RAD51B: variants seen among roughly 807,000 people sequenced by gnomAD.
The protein encoded by RAD51B is DNA repair protein RAD51 homolog 2.
RAD51B carries 38 observed loss-of-function variants against 42.2 expected under a neutral mutation model. That is an observed-to-expected ratio of 0.90 (90% CI 0.70 to 1.18). The LOEUF (loss-of-function observed/expected upper bound fraction) is 1.18. RAD51B is among the 50% of genes most tolerant of loss of function. The pLI, the probability that RAD51B is intolerant of heterozygous loss-of-function variation, is 0.00. For missense variants in RAD51B, 373 were observed against 400.7 expected (o/e 0.93, Z 0.59); for synonymous variants, 154 against 145.2 (o/e 1.06, Z -0.43).
At chr14:68,645,461 G>T (rs992683038) in intron 10 of RAD51B, among the ~76,000 whole-genome samples, 2 of 152,130 alleles carry the variant, frequency 1.3e-5, no homozygotes, top group Non-Finnish European at 2.9e-5. Flanking sequence ...ATGAACGTGG[G>T]TTTACAAAAA....
chr14:68,329,057 G>A (rs2082298557), intron 8 of RAD51B, among the ~76,000 whole-genome samples: 1 of 152,136 alleles, frequency 6.6e-6, no homozygotes, highest in Admixed American at 6.5e-5. Flanking sequence ...TGCCCAGGCT[G>A]GAGTGCAGTG....
At chr14:68,089,875 TA>T (rs1566636311) in intron 7 of RAD51B, among the ~76,000 whole-genome samples, 1 of 152,098 alleles carries the variant, frequency 6.6e-6, no homozygotes, top group Non-Finnish European at 1.5e-5. Context: ...ATTTTAGATT[TA>T]TATATGTGGG....
At chr14:68,351,719 G>A (rs954441193) in intron 8 of RAD51B, among the ~76,000 whole-genome samples, 1 of 152,228 alleles carries the variant, frequency 6.6e-6, no homozygotes, top group Admixed American at 6.5e-5. Context: ...GTGAGGGAAT[G>A]TGCGGGATTA....
intron 7 of RAD51B, among the ~76,000 whole-genome samples, chr14:68,252,632 C>G (rs145548627): frequency 5.6e-4 from 85 of 152,264 alleles, no homozygotes; most frequent in Non-Finnish European, 1.1e-3. Context: ...AAAAAATACA[C>G]TTTATTCTTT....
chr14:68,559,499 G>A (rs979457304), intron 10 of RAD51B, among the ~76,000 whole-genome samples: 29 of 151,538 alleles, frequency 1.9e-4, no homozygotes, highest in African/African-American at 7.0e-4. Context: ...TCCTGCCTCA[G>A]CCTCCCAAGC....
At chr14:68,362,860 TAAAAA>T (rs527800611) in intron 8 of RAD51B, among the ~76,000 whole-genome samples, 1 of 145,598 alleles carries the variant, frequency 6.9e-6, no homozygotes, top group African/African-American at 2.5e-5. Context: ...AAAAAAAAAT[TAAAAA>T]AAAAAAGAAA....
chr14:68,433,906 G>A (rs1382293958), intron 9 of RAD51B, among the ~76,000 whole-genome samples: 1 of 152,226 alleles, frequency 6.6e-6, no homozygotes, highest in Non-Finnish European at 1.5e-5. Context: ...TGATGATGGT[G>A]ATGTACAGAT....
At chr14:68,149,761 T>G (rs1013795313) in intron 7 of RAD51B, 1 of 152,170 alleles carries the variant, frequency 6.6e-6, no homozygotes, top group South Asian at 2.1e-4. Context: ...ACCTGGTTGG[T>G]TCCCTGCTTT....
intron 8 of RAD51B, among the ~76,000 whole-genome samples, chr14:68,305,853 T>C (rs73272221): frequency 0.03 from 4,510 of 152,296 alleles, 235 homozygotes; most frequent in African/African-American, 0.1. Flanking sequence ...CTGGCCATCA[T>C]AGCATGGTAT....
At chr14:68,167,501 A>G (rs2078777755) in intron 7 of RAD51B, among the ~76,000 whole-genome samples, 2 of 152,062 alleles carry the variant, frequency 1.3e-5, no homozygotes, top group African/African-American at 4.8e-5. Flanking sequence ...TTGCCTTTCA[A>G]CGTCCAGCTC....
rs543117027 is a variant in RAD51B, at chr14:68,630,054, A to T, written c.1037-20727A>T. On this transcript the variant is annotated intron_variant, in intron 10 of 11. Transcript: ENST00000488612. ...CTTCTCACAAAATTCTTATCACGTCAGGGAGGATTCTGACTCCACAGTAAG... is the reference window on the plus strand; with the variant it reads ...CTTCTCACAAAATTCTTATCACGTCTGGGAGGATTCTGACTCCACAGTAAG... 3.9e-5 allele frequency among the ~76,000 whole-genome samples: 6 copies of T among 152,368 alleles called. No individual in the cohort carries two copies. In the South Asian group the frequency reaches 1.2e-3, roughly 32 times the overall value.
At chr14:68,379,143 A>T (rs1240753521) in intron 8 of RAD51B, among the ~76,000 whole-genome samples, 1 of 152,232 alleles carries the variant, frequency 6.6e-6, no homozygotes, top group Non-Finnish European at 1.5e-5. Context: ...AGTCTGACAT[A>T]AGTCTCATGC....
intron 8 of RAD51B, among the ~76,000 whole-genome samples, chr14:68,383,520 T>C (rs1406229833): frequency 6.6e-6 from 1 of 152,222 alleles, no homozygotes; most frequent in Non-Finnish European, 1.5e-5. Flanking sequence ...TGCTGGTCAC[T>C]TACCAGTTTC....
chr14:68,599,045 C>T (rs1482720128), downstream of RAD51B, among the ~76,000 whole-genome samples: 4 of 152,156 alleles, frequency 2.6e-5, no homozygotes, highest in Non-Finnish European at 5.9e-5. Flanking sequence ...AAAACACGGC[C>T]GACTTTCATC....
At chr14:68,182,576 CGTGT>C (rs141234201) in intron 7 of RAD51B, among the ~76,000 whole-genome samples, 1 of 151,392 alleles carries the variant, frequency 6.6e-6, no homozygotes, top group Non-Finnish European at 1.5e-5. Context: ...CATGCATACA[CGTGT>C]GTGTGTGTGT....
intron 10 of RAD51B, among the ~76,000 whole-genome samples, chr14:68,570,873 CCA>C (rs9323516): frequency 1.3e-3 from 202 of 150,352 alleles, no homozygotes; most frequent in African/African-American, 4.7e-3. Context: ...GGCTGGAGCG[CCA>C]CACACACACA....
At chr14:67,922,422 A>G (rs2140137444) in intron 7 of RAD51B, among the ~76,000 whole-genome samples, 1 of 152,274 alleles carries the variant, frequency 6.6e-6, no homozygotes, top group East Asian at 1.9e-4. Flanking sequence ...AGGAAATATT[A>G]TTGCAGGTAG....
At chr14:68,052,414 G>T (rs112451779) in intron 7 of RAD51B, among the ~76,000 whole-genome samples, 2 of 150,594 alleles carry the variant, frequency 1.3e-5, no homozygotes, top group African/African-American at 4.9e-5. Flanking sequence ...AAACTTACCC[G>T]TAAGAGCATT....
At chr14:68,544,991 A>G (rs1197532258) in intron 10 of RAD51B, among the ~76,000 whole-genome samples, 1 of 152,206 alleles carries the variant, frequency 6.6e-6, no homozygotes, top group African/African-American at 2.4e-5. Context: ...GGGAGCAGCA[A>G]AGGAGTTAGG....
Sources: allele counts gnomAD v4.1 joint callset (sites outside exome capture counted in the v4.1 genomes callset), GRCh38; gene constraint gnomAD v4.1.1; transcripts MANE v1.5; gene names NCBI Gene and HGNC (gene_info 2026-07-23, HGNC 2026-07-21).